ASTN2: variants seen among roughly 807,000 people sequenced by gnomAD.
ASTN2 encodes astrotactin-2.
A neutral mutation model predicts 139.8 loss-of-function variants in ASTN2; 54 were observed. The observed-to-expected ratio is 0.39, with a 90% confidence interval of 0.31 to 0.48. The LOEUF is 0.48. ASTN2 is among the 20% of genes least tolerant of loss of function. ASTN2 has a pLI of 0.95. For synonymous variants in ASTN2, 756 were observed against 719.5 expected (o/e 1.05, Z -0.81); for missense variants, 1,565 against 1,725.1 (o/e 0.91, Z 1.64).
intron 13 of ASTN2, among the ~76,000 whole-genome samples, chr9:116,774,824 T>A (rs149951366): frequency 6.6e-6 from 1 of 152,208 alleles, no homozygotes; most frequent in Non-Finnish European, 1.5e-5. Context: ...ACTGCTAATA[T>A]GCAGGGCCTT....
chr9:117,059,409 C>T (rs573895469), intron 5 of ASTN2, among the ~76,000 whole-genome samples: 54 of 151,952 alleles, frequency 3.6e-4, no homozygotes, highest in Middle Eastern at 3.4e-3. Context: ...GTCAGGAGTT[C>T]GAGAGCAGCC....
intron 1 of ASTN2, among the ~76,000 whole-genome samples, chr9:117,348,968 T>C (rs555209398): frequency 9.4e-4 from 143 of 151,670 alleles, no homozygotes; most frequent in African/African-American, 3.4e-3. Context: ...GAAGAATTGC[T>C]GGAAAAGGTG....
At chr9:117,190,773 T>C (rs1405685868) in intron 3 of ASTN2, among the ~76,000 whole-genome samples, 1 of 152,150 alleles carries the variant, frequency 6.6e-6, no homozygotes, top group Non-Finnish European at 1.5e-5. Flanking sequence ...ATTAAGACCT[T>C]TCCTGAGGGC....
chr9:116,979,708 C>T (rs1836455671), intron 7 of ASTN2, among the ~76,000 whole-genome samples: 1 of 152,008 alleles, frequency 6.6e-6, no homozygotes, highest in Non-Finnish European at 1.5e-5. Flanking sequence ...AAATGGTTAC[C>T]TCTGGCAAAG....
At chr9:116,900,730 C>T (rs1455904809) in intron 10 of ASTN2, among the ~76,000 whole-genome samples, 1 of 152,108 alleles carries the variant, frequency 6.6e-6, no homozygotes, top group Non-Finnish European at 1.5e-5. Context: ...CACCTGCTTC[C>T]TCCCTCCCTT....
At chr9:116,989,942 G>C (rs778875544) in intron 7 of ASTN2, among the ~76,000 whole-genome samples, 1 of 151,922 alleles carries the variant, frequency 6.6e-6, no homozygotes, top group East Asian at 1.9e-4. Context: ...TCACAGCCTC[G>C]GTTTCTCTCT....
chr9:117,237,367 T>C (rs140962044), intron 2 of ASTN2, among the ~76,000 whole-genome samples: 174 of 152,270 alleles, frequency 1.1e-3, no homozygotes, highest in Middle Eastern at 3.4e-3. Context: ...GACCTCCCCA[T>C]GGTGGTAGCA....
chr9:117,175,856 GA>G lies in ASTN2; in HGVS notation c.1016-34379del, dbSNP rs542851986. 8.6e-5 allele frequency among the ~76,000 whole-genome samples: 13 copies of G among 151,678 alleles called. No homozygotes were observed. In the East Asian group the frequency reaches 1.9e-3, roughly 23 times the overall value. ...TTCACAAAAAGTATAAACTACAAAT[GA>G]AAAAAACATTGTAGAATTAAAATGA... On this transcript the variant is annotated intron_variant, in intron 3 of 22. Coordinates refer to ENST00000313400, the MANE Select transcript of ASTN2 (RefSeq NM_001365068.1).
chr9:116,986,075 C>T (rs951083247), intron 7 of ASTN2, among the ~76,000 whole-genome samples: 6 of 152,150 alleles, frequency 3.9e-5, no homozygotes, highest in Admixed American at 2.0e-4. Flanking sequence ...CATCGCCAGA[C>T]GTGTAGGCAG....
At chr9:117,355,388 G>C (rs111856493) in intron 1 of ASTN2, among the ~76,000 whole-genome samples, 1 of 152,268 alleles carries the variant, frequency 6.6e-6, no homozygotes, top group African/African-American at 2.4e-5. Flanking sequence ...CATTTACCTA[G>C]TATTTTCAAG....
chr9:117,158,791 C>G (rs1830484444), intron 3 of ASTN2, among the ~76,000 whole-genome samples: 1 of 151,910 alleles, frequency 6.6e-6, no homozygotes, highest in Non-Finnish European at 1.5e-5. Context: ...TTTACACTGT[C>G]CTATTAAATT....
intron 10 of ASTN2, among the ~76,000 whole-genome samples, chr9:116,943,691 T>C (rs1835300251): frequency 6.6e-6 from 1 of 152,222 alleles, no homozygotes; most frequent in African/African-American, 2.4e-5. Context: ...TGGCCTGACA[T>C]TCAAAACACT....
At chr9:117,332,693 T>A (rs1355262879) in intron 1 of ASTN2, among the ~76,000 whole-genome samples, 4 of 152,156 alleles carry the variant, frequency 2.6e-5, no homozygotes, top group African/African-American at 9.7e-5. Flanking sequence ...CTCACATAGA[T>A]GCATACACAA....
chr9:116,538,497 C>A (rs12379134), intron 19 of ASTN2, among the ~76,000 whole-genome samples: 1 of 151,884 alleles, frequency 6.6e-6, no homozygotes. Context: ...GGGCAGAGAA[C>A]CACAGAGCTG....
At chr9:116,491,358 C>A (rs1327629885) in intron 19 of ASTN2, among the ~76,000 whole-genome samples, 1 of 152,094 alleles carries the variant, frequency 6.6e-6, no homozygotes, top group Non-Finnish European at 1.5e-5. Context: ...GAGATTAGAA[C>A]CCCTATTTTT....
intron 3 of ASTN2, among the ~76,000 whole-genome samples, chr9:117,192,974 C>T (rs1040103534): frequency 6.6e-6 from 1 of 152,172 alleles, no homozygotes; most frequent in African/African-American, 2.4e-5. Context: ...GTTTTATACC[C>T]TTCTTAACTG....
At chr9:116,799,710 G>T (rs546509320) in intron 13 of ASTN2, among the ~76,000 whole-genome samples, 1 of 146,762 alleles carries the variant, frequency 6.8e-6, no homozygotes, top group South Asian at 2.3e-4. Flanking sequence ...AGAGAGTGGG[G>T]GGGGGGAGAA....
chr9:116,630,496 T>G (rs963022583), intron 17 of ASTN2, among the ~76,000 whole-genome samples: 2 of 152,208 alleles, frequency 1.3e-5, no homozygotes, highest in Admixed American at 1.3e-4. Context: ...ACTGGTCATT[T>G]TTCCTAAATA....
intron 19 of ASTN2, among the ~76,000 whole-genome samples, chr9:116,535,925 C>T (rs1245691607): frequency 1.3e-5 from 2 of 152,166 alleles, no homozygotes; most frequent in African/African-American, 4.8e-5. Context: ...TGGAGAAGTT[C>T]TCCTGGATAA....
Sources: allele counts gnomAD v4.1 joint callset (sites outside exome capture counted in the v4.1 genomes callset), GRCh38; gene constraint gnomAD v4.1.1; transcripts MANE v1.5; gene names NCBI Gene and HGNC (gene_info 2026-07-23, HGNC 2026-07-21).